The following PLA2G4B variants were observed in gnomAD, a reference collection of about 807,000 sequenced individuals.
PLA2G4B encodes cytosolic phospholipase A2 beta.
Under a neutral mutation model 95.8 loss-of-function variants are expected in PLA2G4B, and 122 were observed. That is an observed-to-expected ratio of 1.27 (90% CI 1.10 to 1.48). PLA2G4B has a LOEUF of 1.48. PLA2G4B is among the 40% of genes most tolerant of loss of function. The probability of loss-of-function intolerance (pLI) is 0.00; values close to 1 mark genes in which losing one functional copy is unlikely to be tolerated. For synonymous variants in PLA2G4B, 518 were observed against 421.5 expected (o/e 1.23, Z -2.80); for missense variants, 1,158 against 996.2 (o/e 1.16, Z -2.19).
At chr15:41,843,909 C>T (rs1188868537) in intron 11 of PLA2G4B, 98 bp downstream of exon 11, 3 of 1,498,876 alleles carry the variant, frequency 2.0e-6, no homozygotes, top group African/African-American at 2.8e-5. Context: ...TAGACCAGAG[C>T]TCGTAGCTGC....
chr15:41,844,394 C>T, intron 11 of PLA2G4B, 77 bp from the exon 12 acceptor site: 1 of 1,606,618 alleles, frequency 6.2e-7, no homozygotes, highest in Non-Finnish European at 8.5e-7. Context: ...GGCCACTTGA[C>T]CTGCTACCTC....
rs775295709 is a variant in PLA2G4B, at chr15:41,846,319, T to C, written c.1717T>C (p.Phe573Leu). Residue 573 changes from phenylalanine to leucine, a missense_variant, in exon 17 of 20, where the codon TTC (phenylalanine) becomes CTC (leucine). Coordinates refer to ENST00000458483, the MANE Select transcript of PLA2G4B (RefSeq NM_001114633.2). ...TCCACTGGCCCAGGCCACACATAAT[T>C]TCCTGCGTGGCCTCCATTTCCACAA... ...WRPLAQATHN[F>L]LRGLHFHKDY... is the part of the protein sequence containing the mutation. 34 of 1,612,646 alleles carry C rather than the reference T, an allele frequency of 2.1e-5. No individual in the cohort carries two copies. The South Asian group carries it at 3.5e-4, about 17-fold the overall frequency.
At position 41,846,787 on chromosome 15, in the gene PLA2G4B, C is replaced by T. The variant is rs773280489; in HGVS notation, c.1899C>T (p.Asp633=). Residue 633 remains aspartate (D), a synonymous_variant, in exon 18 of 20, where the codon GAC becomes GAT. Transcript: ENST00000458483. The part of the protein sequence containing the change: ...SCLPLLQPTR[D]VDLILSLDYN... ...TGCCCCTCCTGCAGCCCACTCGGGA[C>T]GTGGACCTCATCCTGTCATTGGACT... is the stretch of plus-strand genomic sequence containing the variant. 39 of 1,613,752 alleles carry T rather than the reference C, an allele frequency of 2.4e-5. No homozygotes were observed. Among genetic ancestry groups the T allele is most frequent in the Middle Eastern group, 1.6e-4 (1 of 6,082 alleles).
intron 18 of PLA2G4B, 89 bp from the exon 19 acceptor site, chr15:41,847,248 G>T (rs1055262875): frequency 1.3e-6 from 2 of 1,492,816 alleles, no homozygotes; most frequent in South Asian, 1.3e-5. Flanking sequence ...TGGCATTTGA[G>T]CCCCAGGTCC....
chr15:41,846,759 G>T lies in PLA2G4B; in HGVS notation c.1871G>T (p.Cys624Phe), dbSNP rs1171539377. 4.7e-5 allele frequency: 76 copies of T among 1,613,994 alleles called. No homozygotes were observed. Among genetic ancestry groups the T allele is most frequent in the Middle Eastern group, 3.3e-4 (2 of 6,058 alleles). ...LDVGYLINTS[C>F]LPLLQPTRDV... ...GTTGGCTACCTCATCAATACCAGCT[G>T]CCTGCCCCTCCTGCAGCCCACTCGG... Residue 624 changes from cysteine (C) to phenylalanine (F), a missense_variant, in exon 18 of 20, where the codon TGC becomes TTC. Cys to Phe is a radical substitution (Grantham distance 205, BLOSUM62 -2). Transcript: ENST00000458483.
chr15:41,845,049 C>T lies in PLA2G4B; in HGVS notation c.1218C>T (p.Asn406=), dbSNP rs563912130. The T allele has an allele frequency of 5.9e-5, 95 of 1,597,692 alleles. 1 individual carries two copies. The highest frequency in any genetic ancestry group is 2.1e-4 in the South Asian group (19 of 89,084). The change falls in exon 13 of 20, where the codon AAC becomes AAT. Residue 406 remains asparagine (N), a synonymous_variant. Coordinates refer to ENST00000458483, the MANE Select transcript of PLA2G4B (RefSeq NM_001114633.2). ...TCACCAACCTGTGGGCCCTCATCAA[C>T]GAGGCGCTGCTGCATGATGAGGTGC... is the stretch of plus-strand genomic sequence containing the variant. ...SCFTNLWALI[N]EALLHDEPHD... is the part of the protein sequence containing the mutation.
intron 10 of PLA2G4B, among the ~76,000 whole-genome samples, chr15:41,843,379 A>AC (rs1555458121): frequency 6.6e-6 from 1 of 151,208 alleles, no homozygotes; most frequent in African/African-American, 2.4e-5. Flanking sequence ...CGAGACTTGG[A>AC]GGGGGGGGAT....
rs1388651335 is a variant in PLA2G4B, at chr15:41,846,768, T to C, written c.1880T>C (p.Leu627Pro). 1.2e-6 allele frequency: 2 copies of C among 1,613,888 alleles called. No individual in the cohort carries two copies. Among genetic ancestry groups the C allele is most frequent in the Non-Finnish European group, 1.7e-6 (2 of 1,179,914 alleles). ...GYLINTSCLP[L>P]LQPTRDVDLI... is the part of the protein sequence containing the mutation. ...CTCATCAATACCAGCTGCCTGCCCC[T>C]CCTGCAGCCCACTCGGGACGTGGAC... Residue 627 changes from leucine (L) to proline (P), a missense_variant, in exon 18 of 20, where the codon CTC becomes CCC. Physicochemically the swap from Leu to Pro is moderately conservative, Grantham distance 98. Coordinates refer to ENST00000458483, the MANE Select transcript of PLA2G4B (RefSeq NM_001114633.2).
chr15:41,842,432 C>T, intron 9 of PLA2G4B, 122 bp from the exon 10 acceptor site: 1 of 1,560,424 alleles, frequency 6.4e-7, no homozygotes. Context: ...ATCCCTGCTT[C>T]AGGCCTGGCG....
chr15:41,845,119 G>GGGGCTC, intron 13 of PLA2G4B, 49 bp downstream of exon 13: 2 of 1,602,788 alleles, frequency 1.2e-6, no homozygotes, highest in Non-Finnish European at 1.7e-6. Flanking sequence ...GGCTGGAGCT[G>GGGGCTC]GGGCTCGGTG....
chr15:41,847,469 G>A lies in PLA2G4B; in HGVS notation c.2080G>A (p.Ala694Thr). The change falls in exon 19 of 20, where the codon GCG (alanine) becomes ACG (threonine). Residue 694 changes from alanine to threonine, a missense_variant. By Grantham distance (58) the Ala-to-Thr change is moderately conservative. Transcript: ENST00000458483. ...FSDPTCPGAPAVLHFPLVSDS... is the reference protein window; with the variant it reads ...FSDPTCPGAPTVLHFPLVSDS... ...CGACCCCACCTGCCCCGGAGCCCCTGCGGTGCTGCACTTTCCTCTGGTCAG... is the reference window on the plus strand; with the variant it reads ...CGACCCCACCTGCCCCGGAGCCCCTACGGTGCTGCACTTTCCTCTGGTCAG... 1 of 1,612,992 alleles carries A rather than the reference G, an allele frequency of 6.2e-7. No individual in the cohort carries two copies. Among genetic ancestry groups the A allele is most frequent in the South Asian group, 1.1e-5 (1 of 91,030 alleles).
intron 17 of PLA2G4B, 64 bp from the exon 18 acceptor site, chr15:41,846,605 C>T (rs1031897438): frequency 1.3e-6 from 2 of 1,546,406 alleles, no homozygotes; most frequent in Non-Finnish European, 1.8e-6. Context: ...CAGAGTCTCT[C>T]CTTCCAGCAG....
intron 10 of PLA2G4B, 67 bp downstream of exon 10, chr15:41,842,658 C>T (rs574513451): frequency 2.5e-6 from 4 of 1,583,652 alleles, no homozygotes; most frequent in African/African-American, 1.4e-5. Flanking sequence ...CTGGAGGAGG[C>T]CTGGAGGAGT....
rs2065493878 is a variant in PLA2G4B, at chr15:41,844,445, AC to A, written c.880-25del. On this transcript the variant is annotated intron_variant, in intron 11 of 19. Coordinates refer to ENST00000458483, the MANE Select transcript of PLA2G4B (RefSeq NM_001114633.2). ...GGCCTTCCCCATCCCTAGGGCCTCT[AC>A]AGGCCTGGCTCTCTTCTTTTCCAGA... 3 of 1,613,988 alleles carry A rather than the reference AC, an allele frequency of 1.9e-6. No homozygotes were observed. The East Asian group carries it at 6.7e-5, about 36-fold the overall frequency.
chr15:41,845,572 G>A (rs1330669682), intron 14 of PLA2G4B, 66 bp from the exon 15 acceptor site: 1 of 1,592,460 alleles, frequency 6.3e-7, no homozygotes, highest in Non-Finnish European at 8.5e-7. Context: ...AAAACCCTGG[G>A]TCGGGGTGGG....
rs756618264 is a variant in PLA2G4B, at chr15:41,844,475, C to T, written c.884C>T (p.Pro295Leu). Residue 295 changes from proline to leucine, a missense_variant, in exon 12 of 20, where the codon CCA (proline) becomes CTA (leucine). By Grantham distance (98) the Pro-to-Leu change is moderately conservative (BLOSUM62 -3). Transcript: ENST00000458483. ...LDGDLQEDEI[P>L]VVAIMATGGG... ...CCTGGCTCTCTTCTTTTCCAGATCCCAGTGGTAGCTATTATGGCCACTGGT... is the reference window on the plus strand; with the variant it reads ...CCTGGCTCTCTTCTTTTCCAGATCCTAGTGGTAGCTATTATGGCCACTGGT... 3.3e-5 allele frequency: 54 copies of T among 1,614,062 alleles called. 1 individual carries two copies. The highest frequency in any genetic ancestry group is 3.9e-5 in the Non-Finnish European group (46 of 1,180,034).
intron 2 of PLA2G4B, 28 bp from the exon 3 acceptor site, chr15:41,840,496 A>G (rs1159090092): frequency 2.5e-6 from 4 of 1,613,034 alleles, no homozygotes; most frequent in Non-Finnish European, 3.4e-6. Context: ...GCTCTTGTCC[A>G]CCGCTGGGCA....
rs370002490 is a variant in PLA2G4B at position 41,846,334 on chromosome 15, C to A, written c.1732C>A (p.His578Asn). The change falls in exon 17 of 20, where the codon CAT becomes AAT. Residue 578 changes from histidine to asparagine, a missense_variant. His to Asn is a moderately conservative substitution (Grantham distance 68). Transcript: ENST00000458483. ...CACACATAATTTCCTGCGTGGCCTC[C>A]ATTTCCACAAAGACTACTTTCAGCA... is the stretch of plus-strand genomic sequence containing the variant. The part of the protein sequence containing the change: ...QATHNFLRGL[H>N]FHKDYFQHPH... The A allele has an allele frequency of 6.2e-7, 1 of 1,610,886 alleles. No individual in the cohort carries two copies. Among genetic ancestry groups the A allele is most frequent in the East Asian group, 2.2e-5 (1 of 44,788 alleles).
chr15:41,841,188 G>T, intron 5 of PLA2G4B, 43 bp from the exon 6 acceptor site: 1 of 1,614,034 alleles, frequency 6.2e-7, no homozygotes, highest in South Asian at 1.1e-5. Context: ...TGTGGGGTGG[G>T]AACCTGGACT....
Sources: allele counts gnomAD v4.1 joint callset (sites outside exome capture counted in the v4.1 genomes callset), GRCh38; gene constraint gnomAD v4.1.1; transcripts MANE v1.5; gene names NCBI Gene and HGNC (gene_info 2026-07-23, HGNC 2026-07-21).